Variants in CHODL observed in about 807,000 individuals in gnomAD.
CHODL encodes chondrolectin, also known as transmembrane protein MT75.
CHODL carries 29 observed loss-of-function variants against 34.5 expected under a neutral mutation model. The ratio of observed to expected loss-of-function variants is 0.84; its 90% CI spans 0.63 to 1.15. The LOEUF (loss-of-function observed/expected upper bound fraction) is 1.15, where lower values mean the gene tolerates loss of function less well. CHODL is among the 50% of genes most tolerant of loss of function. The probability of loss-of-function intolerance (pLI) is 0.00; values close to 1 mark genes in which losing one functional copy is unlikely to be tolerated. For synonymous variants in CHODL, 125 were observed against 116.1 expected, an observed-to-expected ratio of 1.08 and a Z score of -0.49; for missense variants, 332 against 332.5, an observed-to-expected ratio of 1.00 and a Z score of 0.01.
chr21:18,242,847 T>C (rs188142234), upstream of CHODL, among the ~76,000 whole-genome samples: 103 of 152,264 alleles, frequency 6.8e-4, no homozygotes, highest in Non-Finnish European at 9.9e-4. Context: ...TGAAGATCCT[T>C]CCTGACAAAA....
chr21:18,055,150 C>T (rs1177554539), intron 2 of CHODL, among the ~76,000 whole-genome samples: 4 of 152,132 alleles, frequency 2.6e-5, no homozygotes, highest in East Asian at 1.9e-4. Flanking sequence ...ATTTTACTCA[C>T]GGTGTTCCCT....
At chr21:18,220,316 T>C (rs73204812) in intron 2 of CHODL, among the ~76,000 whole-genome samples, 58 of 152,304 alleles carry the variant, frequency 3.8e-4, no homozygotes, top group Non-Finnish European at 7.9e-4. Context: ...ATTTAAACTA[T>C]TTACATTCAA....
chr21:18,091,082 A>G (rs1451950193), intron 2 of CHODL, among the ~76,000 whole-genome samples: 9 of 152,162 alleles, frequency 5.9e-5, no homozygotes, highest in Admixed American at 5.2e-4. Flanking sequence ...ATTGATCTCA[A>G]TGTTTCCCTG....
At chr21:18,125,681 C>T (rs951282159) in intron 2 of CHODL, among the ~76,000 whole-genome samples, 2 of 151,930 alleles carry the variant, frequency 1.3e-5, no homozygotes, top group South Asian at 2.1e-4. Context: ...CTGCAACCTC[C>T]GCCTCACGGG....
intron 1 of CHODL, among the ~76,000 whole-genome samples, chr21:17,936,728 A>G (rs1185619583): frequency 6.6e-6 from 1 of 152,228 alleles, no homozygotes; most frequent in African/African-American, 2.4e-5. Flanking sequence ...TGTGACTGAG[A>G]ACATACACGG....
intron 1 of CHODL, among the ~76,000 whole-genome samples, chr21:17,989,797 C>G (rs896977678): frequency 6.6e-6 from 1 of 152,106 alleles, no homozygotes; most frequent in African/African-American, 2.4e-5. Flanking sequence ...ATTGGTACTA[C>G]GGACTAAACA....
At chr21:18,164,554 T>G (rs2073131273) in intron 2 of CHODL, among the ~76,000 whole-genome samples, 3 of 152,208 alleles carry the variant, frequency 2.0e-5, no homozygotes, top group Admixed American at 6.5e-5. Context: ...TTCTATGACT[T>G]AACTTTTCCT....
chr21:18,201,836 ACT>A (rs1489790292), intron 2 of CHODL, among the ~76,000 whole-genome samples: 1 of 125,422 alleles, frequency 8.0e-6, no homozygotes, highest in African/African-American at 3.2e-5. Flanking sequence ...AGGGAGTCTC[ACT>A]CTGTCGCCCA....
chr21:17,944,018 C>T (rs2063386107), intron 1 of CHODL, among the ~76,000 whole-genome samples: 1 of 152,194 alleles, frequency 6.6e-6, no homozygotes, highest in Non-Finnish European at 1.5e-5. Flanking sequence ...TTATAGTACA[C>T]TGGCAAAGCT....
At chr21:18,251,512 ATATAAAATATT>A in intron 1 of CHODL, among the ~76,000 whole-genome samples, 1 of 106,788 alleles carries the variant, frequency 9.4e-6, no homozygotes, top group African/African-American at 4.3e-5. Context: ...TTATTTTAAT[ATATAAAATATT>A]TATTTTATTT....
intron 2 of CHODL, among the ~76,000 whole-genome samples, chr21:18,107,785 T>G (rs1601012623): frequency 1.3e-5 from 2 of 152,230 alleles, no homozygotes; most frequent in East Asian, 3.9e-4. Flanking sequence ...AATGTGGTGG[T>G]GAAGTTAAAG....
intron 2 of CHODL, among the ~76,000 whole-genome samples, chr21:18,137,599 G>GAACT (rs1340889608): frequency 1.3e-5 from 2 of 152,152 alleles, no homozygotes; most frequent in African/African-American, 4.8e-5. Context: ...CCAGGCCATG[G>GAACT]AACTAACTTT....
At chr21:18,217,671 A>G (rs1270376473) in intron 2 of CHODL, among the ~76,000 whole-genome samples, 1 of 152,114 alleles carries the variant, frequency 6.6e-6, no homozygotes, top group Non-Finnish European at 1.5e-5. Flanking sequence ...ACAGTCCCCC[A>G]AAGTCTTAAC....
At chr21:18,023,174 G>A (rs866140449) in intron 1 of CHODL, among the ~76,000 whole-genome samples, 1 of 152,166 alleles carries the variant, frequency 6.6e-6, no homozygotes, top group Non-Finnish European at 1.5e-5. Context: ...GGATACAGGT[G>A]GGTCTGATTG....
chr21:18,187,572 C>T (rs1403245036), intron 2 of CHODL, among the ~76,000 whole-genome samples: 2 of 152,136 alleles, frequency 1.3e-5, no homozygotes, highest in African/African-American at 4.8e-5. Flanking sequence ...ATGGTTCCTT[C>T]TTTAATAATA....
chr21:18,060,382 C>T (rs1161381369), intron 2 of CHODL, among the ~76,000 whole-genome samples: 3 of 151,712 alleles, frequency 2.0e-5, no homozygotes, highest in Non-Finnish European at 2.9e-5. Flanking sequence ...TTGAAAAGGT[C>T]GAGGCTGCAG....
intron 2 of CHODL, among the ~76,000 whole-genome samples, chr21:18,041,762 T>C (rs1253120183): frequency 6.6e-6 from 1 of 151,900 alleles, no homozygotes; most frequent in East Asian, 1.9e-4. Flanking sequence ...TAGAGGCTCA[T>C]ATTACAAGTT....
chr21:17,971,837 A>T (rs1459222600), intron 1 of CHODL, among the ~76,000 whole-genome samples: 1 of 152,216 alleles, frequency 6.6e-6, no homozygotes, highest in Non-Finnish European at 1.5e-5. Flanking sequence ...AAAACCTGGC[A>T]GAGACACAGC....
chr21:18,057,699 A>T (rs185030851), intron 2 of CHODL, among the ~76,000 whole-genome samples: 1 of 151,974 alleles, frequency 6.6e-6, no homozygotes, highest in Non-Finnish European at 1.5e-5. Context: ...ATTAAAAAAA[A>T]TCTTATATAA....
Sources: allele counts gnomAD v4.1 joint callset (sites outside exome capture counted in the v4.1 genomes callset), GRCh38; gene constraint gnomAD v4.1.1; transcripts MANE v1.5; gene names NCBI Gene and HGNC (gene_info 2026-07-23, HGNC 2026-07-21).